Variants in HIVEP3 observed in about 807,000 individuals in gnomAD.
The protein encoded by HIVEP3 is transcription factor HIVEP3.
A neutral mutation model predicts 152.8 loss-of-function variants in HIVEP3; 49 were observed. That is an observed-to-expected ratio of 0.32 (90% CI 0.26 to 0.41). The LOEUF (loss-of-function observed/expected upper bound fraction) is 0.41, where lower values mean the gene tolerates loss of function less well. HIVEP3 is among the 10% of genes least tolerant of loss of function. The pLI, the probability that HIVEP3 is intolerant of heterozygous loss-of-function variation, is 1.00. For missense variants in HIVEP3, 2,790 were observed against 3,103.3 expected, an observed-to-expected ratio of 0.90 and a Z score of 2.40; for synonymous variants, 1,269 against 1,289.0, an observed-to-expected ratio of 0.98 and a Z score of 0.33.
intron 1 of HIVEP3, among the ~76,000 whole-genome samples, chr1:41,805,285 C>T (rs563016298): frequency 1.3e-5 from 2 of 152,216 alleles, no homozygotes; most frequent in Admixed American, 6.5e-5. Context: ...TGCCAGGAGC[C>T]GAGATTATGC....
intron 5 of HIVEP3, among the ~76,000 whole-genome samples, chr1:41,538,980 C>G (rs770548150): frequency 3.9e-5 from 6 of 152,198 alleles, no homozygotes; most frequent in Admixed American, 6.5e-5. Flanking sequence ...CCTCCTCCCC[C>G]ACCCACAGCA....
intron 1 of HIVEP3, among the ~76,000 whole-genome samples, chr1:42,023,620 T>C (rs1180259835): frequency 6.6e-6 from 1 of 152,090 alleles, no homozygotes; most frequent in East Asian, 1.9e-4. Context: ...TCATGAGATC[T>C]GGTTGTTTAA....
At chr1:41,751,257 C>T (rs961948251) in intron 1 of HIVEP3, among the ~76,000 whole-genome samples, 5 of 150,366 alleles carry the variant, frequency 3.3e-5, no homozygotes, top group Non-Finnish European at 5.9e-5. Flanking sequence ...TCGTGATTAA[C>T]TGGCAGGCTT....
chr1:42,022,853 T>C (rs1367804624), intron 1 of HIVEP3, among the ~76,000 whole-genome samples: 1 of 152,216 alleles, frequency 6.6e-6, no homozygotes, highest in Non-Finnish European at 1.5e-5. Context: ...GCTTTGATTT[T>C]AGGCACTACA....
intron 5 of HIVEP3, among the ~76,000 whole-genome samples, chr1:41,538,620 G>T (rs1452616783): frequency 6.6e-6 from 1 of 152,168 alleles, no homozygotes; most frequent in Non-Finnish European, 1.5e-5. Context: ...TTATTCTACA[G>T]AATTGGATAT....
At chr1:41,588,859 C>T (rs1270270240) in intron 3 of HIVEP3, among the ~76,000 whole-genome samples, 4 of 152,138 alleles carry the variant, frequency 2.6e-5, no homozygotes, top group Admixed American at 2.0e-4. Context: ...CTCTGCCAGC[C>T]TGCTCTACCA....
At chr1:41,550,448 A>C (rs1192998205) in intron 5 of HIVEP3, among the ~76,000 whole-genome samples, 2 of 152,192 alleles carry the variant, frequency 1.3e-5, no homozygotes, top group African/African-American at 4.8e-5. Context: ...TTGAATCTAT[A>C]AATTACCTTG....
At chr1:41,849,941 G>A (rs1217044826) in intron 1 of HIVEP3, among the ~76,000 whole-genome samples, 2 of 152,028 alleles carry the variant, frequency 1.3e-5, no homozygotes, top group Admixed American at 6.6e-5. Context: ...CACCCACCTT[G>A]GCCTCCTAAA....
At chr1:41,770,176 T>C (rs1648262074) in intron 1 of HIVEP3, among the ~76,000 whole-genome samples, 1 of 152,090 alleles carries the variant, frequency 6.6e-6, no homozygotes, top group Non-Finnish European at 1.5e-5. Flanking sequence ...GGTTTCACCA[T>C]GTTAGCCAGG....
chr1:41,787,205 C>T (rs939194598), intron 1 of HIVEP3, among the ~76,000 whole-genome samples: 2 of 152,036 alleles, frequency 1.3e-5, no homozygotes, highest in East Asian at 1.9e-4. Context: ...AAATAATGCC[C>T]GTGTCTGATG....
chr1:41,710,657 A>G (rs143531596), intron 1 of HIVEP3, among the ~76,000 whole-genome samples: 227 of 152,230 alleles, frequency 1.5e-3, no homozygotes, highest in Admixed American at 3.3e-3. Context: ...TCCCTGCCCT[A>G]ATACTGTGTC....
chr1:42,026,075 G>GA lies in HIVEP3; in HGVS notation n.119+9731dup, dbSNP rs5773758. Among the ~76,000 whole-genome samples the GA allele has an allele frequency of 1.9e-3, 258 of 137,408 alleles. 5 individuals carry two copies. The highest frequency in any genetic ancestry group is 4.8e-3 in the South Asian group (21 of 4,352). The allele number at this position is 137,408 out of a possible 152,430, so 90.1% of individuals were successfully genotyped here. Reference sequence around the variant, plus strand: ...CAGAGCAAGACCCTGTCTCAAAAGAGAAAAAAAAAAAAATCTGCGAAAAGG... The same window carrying GA: ...CAGAGCAAGACCCTGTCTCAAAAGAGAAAAAAAAAAAAAATCTGCGAAAAGG... On this transcript the variant is annotated intron_variant and non_coding_transcript_variant, in intron 1 of 3. Coordinates refer to the HIVEP3 transcript ENST00000489103.
At chr1:41,659,290 C>T (rs552187382) in intron 2 of HIVEP3, among the ~76,000 whole-genome samples, 75 of 152,312 alleles carry the variant, frequency 4.9e-4, no homozygotes, top group African/African-American at 1.7e-3. Context: ...ACTCTCTGGG[C>T]CCCCACGTGT....
At chr1:41,646,844 C>T (rs2124000538) in intron 2 of HIVEP3, among the ~76,000 whole-genome samples, 1 of 152,346 alleles carries the variant, frequency 6.6e-6, no homozygotes, top group Non-Finnish European at 1.5e-5. Flanking sequence ...GGAGGTCACA[C>T]ATCCAAAATG....
intron 1 of HIVEP3, among the ~76,000 whole-genome samples, chr1:41,914,195 C>A (rs1311400802): frequency 6.6e-6 from 1 of 152,188 alleles, no homozygotes. Flanking sequence ...GTGAAACCTC[C>A]CAACAGGGCA....
At chr1:42,029,967 A>C (rs138425781) in intron 1 of HIVEP3, among the ~76,000 whole-genome samples, 1 of 152,354 alleles carries the variant, frequency 6.6e-6, no homozygotes, top group Non-Finnish European at 1.5e-5. Context: ...GGAATGCAAG[A>C]GTCTTCCATA....
chr1:41,698,793 G>A (rs183608195), intron 2 of HIVEP3, among the ~76,000 whole-genome samples: 2 of 152,276 alleles, frequency 1.3e-5, no homozygotes, highest in Admixed American at 1.3e-4. Flanking sequence ...CCCACTGAAT[G>A]TAGCTCCCTC....
At chr1:41,665,978 A>C (rs1645790301) in intron 2 of HIVEP3, among the ~76,000 whole-genome samples, 1 of 152,062 alleles carries the variant, frequency 6.6e-6, no homozygotes, top group Admixed American at 6.5e-5. Context: ...GGGGCTGAGC[A>C]ACCAGGCCCT....
intron 2 of HIVEP3, among the ~76,000 whole-genome samples, chr1:41,642,830 G>T (rs1331233236): frequency 6.6e-6 from 1 of 152,150 alleles, no homozygotes; most frequent in Non-Finnish European, 1.5e-5. Context: ...CTTCTTGAGG[G>T]ACCCGGCAGA....
Sources: allele counts gnomAD v4.1 joint callset (sites outside exome capture counted in the v4.1 genomes callset), GRCh38; gene constraint gnomAD v4.1.1; transcripts MANE v1.5; gene names NCBI Gene and HGNC (gene_info 2026-07-23, HGNC 2026-07-21).